The following HPGDS variants were observed in gnomAD, a reference collection of about 807,000 sequenced individuals.
HPGDS encodes hematopoietic prostaglandin D synthase.
Under a neutral mutation model 23.1 loss-of-function variants are expected in HPGDS, and 26 were observed. The ratio of observed to expected loss-of-function variants is 1.13; its 90% CI spans 0.83 to 1.56. HPGDS has a LOEUF of 1.56. Ranked by LOEUF, HPGDS falls within the 40% of genes most tolerant of loss-of-function variation. HPGDS has a pLI of 0.00. For synonymous variants in HPGDS, 95 were observed against 77.9 expected, an observed-to-expected ratio of 1.22 and a Z score of -1.16; for missense variants, 268 against 236.4, an observed-to-expected ratio of 1.13 and a Z score of -0.88.
At chr4:94,328,353 T>C (rs1232494339) in intron 2 of HPGDS, among the ~76,000 whole-genome samples, 2 of 152,234 alleles carry the variant, frequency 1.3e-5, no homozygotes, top group Admixed American at 6.5e-5. Flanking sequence ...GTCATTAATT[T>C]TGAAGCCCCA....
intron 4 of HPGDS, among the ~76,000 whole-genome samples, chr4:94,308,378 C>T (rs549234051): frequency 6.6e-6 from 1 of 152,054 alleles, no homozygotes; most frequent in South Asian, 2.1e-4. Flanking sequence ...TTTATTTATC[C>T]TATAGAAATA....
At chr4:94,320,560 T>C (rs899021769) in intron 2 of HPGDS, among the ~76,000 whole-genome samples, 2 of 152,162 alleles carry the variant, frequency 1.3e-5, no homozygotes, top group African/African-American at 4.8e-5. Flanking sequence ...TAAATGTCTT[T>C]TTTTGAGAAG....
chr4:94,329,155 C>T (rs1334810722), intron 2 of HPGDS, among the ~76,000 whole-genome samples: 2 of 151,886 alleles, frequency 1.3e-5, no homozygotes, highest in African/African-American at 2.4e-5. Flanking sequence ...TTTTTTTGTG[C>T]TAGGCATTGT....
At position 94,316,971 on chromosome 4, in the gene HPGDS, C is replaced by T. The variant is rs1363254523; in HGVS notation, c.226+902G>A. Among the ~76,000 whole-genome samples the T allele has an allele frequency of 2.6e-5, 4 of 152,340 alleles. No homozygotes were observed. The South Asian group carries it at 6.2e-4, about 24-fold the overall frequency. On this transcript the variant is annotated intron_variant, in intron 3 of 5. Transcript: ENST00000295256. Reference sequence around the variant, plus strand: ...TAATTTCCCTGGTCATAAATAATTTCCATTTCTTCTAAACTTTCAAAGTAA... The same window carrying T: ...TAATTTCCCTGGTCATAAATAATTTTCATTTCTTCTAAACTTTCAAAGTAA...
At chr4:94,331,614 A>G (rs1048357788) in intron 2 of HPGDS, among the ~76,000 whole-genome samples, 2 of 152,132 alleles carry the variant, frequency 1.3e-5, no homozygotes, top group African/African-American at 4.8e-5. Context: ...CTGCTCAAGG[A>G]ATATTAGCCT....
At chr4:94,338,018 G>A (rs1721058775) in intron 1 of HPGDS, among the ~76,000 whole-genome samples, 1 of 152,134 alleles carries the variant, frequency 6.6e-6, no homozygotes, top group South Asian at 2.1e-4. Flanking sequence ...TAATGAAGCT[G>A]TACTTTTTAC....
chr4:94,339,793 T>TGGG (rs1200160698), intron 1 of HPGDS, among the ~76,000 whole-genome samples: 1 of 152,158 alleles, frequency 6.6e-6, no homozygotes, highest in Non-Finnish European at 1.5e-5. Context: ...CCACTTGTCA[T>TGGG]GGGAGGGACC....
chr4:94,334,457 A>C, intron 2 of HPGDS, 40 bp downstream of exon 2: 1 of 1,520,116 alleles, frequency 6.6e-7, no homozygotes, highest in Non-Finnish European at 8.8e-7. Flanking sequence ...AAAGGTTCTG[A>C]AAGCATATTT....
intron 3 of HPGDS, among the ~76,000 whole-genome samples, chr4:94,315,079 G>A (rs536772824): frequency 9.2e-5 from 14 of 152,142 alleles, no homozygotes; most frequent in African/African-American, 3.4e-4. Context: ...CTAACCCCTT[G>A]CACTTCCTGG....
chr4:94,311,102 C>T (rs933795389), intron 3 of HPGDS, among the ~76,000 whole-genome samples: 1 of 152,068 alleles, frequency 6.6e-6, no homozygotes, highest in African/African-American at 2.4e-5. Flanking sequence ...TTTGACTTCC[C>T]CTTTTCCTAA....
At chr4:94,336,063 A>G (rs115122483) in intron 1 of HPGDS, among the ~76,000 whole-genome samples, 5,721 of 152,038 alleles carry the variant, frequency 0.038, 347 homozygotes, top group African/African-American at 0.13. Flanking sequence ...AAAATTAGCC[A>G]GGTGTGGTGG....
chr4:94,308,679 A>G lies in HPGDS; in HGVS notation c.291T>C (p.Asp97=). 9.9e-6 allele frequency: 16 copies of G among 1,610,042 alleles called. No individual in the cohort carries two copies. Among genetic ancestry groups the G allele is most frequent in the Non-Finnish European group, 1.3e-5 (15 of 1,177,204 alleles). ...HVDAIVDTLD[D]FMSCFPWAEK... ...CTGCCCAAGGAAAACATGACATGAA[A>G]TCATCCAGAGTGTCCACAATAGCAT... Residue 97 remains aspartate (D), a synonymous_variant, in exon 4 of 6, where the codon GAT becomes GAC. Coordinates refer to ENST00000295256, the MANE Select transcript of HPGDS (RefSeq NM_014485.3).
chr4:94,316,152 A>G (rs1270916706), intron 3 of HPGDS, among the ~76,000 whole-genome samples: 3 of 152,222 alleles, frequency 2.0e-5, no homozygotes, highest in Non-Finnish European at 2.9e-5. Flanking sequence ...CGTATGGTCA[A>G]CTGGAGAAGG....
chr4:94,330,597 C>T (rs1447556615), intron 2 of HPGDS, among the ~76,000 whole-genome samples: 2 of 152,108 alleles, frequency 1.3e-5, no homozygotes, highest in Non-Finnish European at 2.9e-5. Context: ...AATAGTCTTT[C>T]AAAATTAGTC....
intron 1 of HPGDS, among the ~76,000 whole-genome samples, chr4:94,340,650 CTTTTTTT>C (rs35678433): frequency 4.5e-5 from 1 of 22,466 alleles, no homozygotes; most frequent in African/African-American, 3.3e-4. Flanking sequence ...GCCCCCCTCC[CTTTTTTT>C]TTTTTTTTTT....
At chr4:94,318,797 C>CTGT (rs1560589759) in intron 2 of HPGDS, among the ~76,000 whole-genome samples, 2 of 152,108 alleles carry the variant, frequency 1.3e-5, no homozygotes, top group Non-Finnish European at 2.9e-5. Context: ...ACTGCAACTT[C>CTGT]CACCTCCCAG....
chr4:94,322,487 TG>T (rs1337150827), intron 2 of HPGDS, among the ~76,000 whole-genome samples: 1 of 152,216 alleles, frequency 6.6e-6, no homozygotes, highest in African/African-American at 2.4e-5. Context: ...TGGTTTATTT[TG>T]GGGAAGGTGT....
chr4:94,308,958 CA>C (rs1397711842), intron 3 of HPGDS, among the ~76,000 whole-genome samples: 1 of 146,414 alleles, frequency 6.8e-6, no homozygotes, highest in Admixed American at 7.0e-5. Context: ...TATGAAAATA[CA>C]AGCAAATAAA....
At chr4:94,341,305 A>G (rs1263548095) in intron 1 of HPGDS, among the ~76,000 whole-genome samples, 1 of 152,196 alleles carries the variant, frequency 6.6e-6, no homozygotes, top group Non-Finnish European at 1.5e-5. Flanking sequence ...CAATTTAACA[A>G]TATATTATTC....
Sources: allele counts gnomAD v4.1 joint callset (sites outside exome capture counted in the v4.1 genomes callset), GRCh38; gene constraint gnomAD v4.1.1; transcripts MANE v1.5; gene names NCBI Gene and HGNC (gene_info 2026-07-23, HGNC 2026-07-21).